The following ITGA2 variants were observed in gnomAD, a reference collection of about 807,000 sequenced individuals.
The protein encoded by ITGA2 is integrin subunit alpha 2.
In ITGA2, 101 loss-of-function variants were observed where a neutral mutation model predicts 146.3. That is an observed-to-expected ratio of 0.69 (90% CI 0.59 to 0.81). The LOEUF (loss-of-function observed/expected upper bound fraction) is 0.81, where lower values mean the gene tolerates loss of function less well. Ranked by LOEUF, ITGA2 falls within the 40% of genes least tolerant of loss-of-function variation. ITGA2 has a pLI of 0.00. For synonymous variants in ITGA2, 477 were observed against 487.1 expected, an observed-to-expected ratio of 0.98 and a Z score of 0.27; for missense variants, 1,281 against 1,402.7, an observed-to-expected ratio of 0.91 and a Z score of 1.39.
intron 16 of ITGA2, among the ~76,000 whole-genome samples, chr5:53,069,298 A>AT (rs950301574): frequency 3.5e-4 from 53 of 151,876 alleles, no homozygotes; most frequent in African/African-American, 1.2e-3. Flanking sequence ...TTATCACATA[A>AT]TTTTTTTTCA....
chr5:53,066,932 A>AT (rs1745172232), intron 15 of ITGA2, among the ~76,000 whole-genome samples, 186 bp from the exon 16 acceptor site: 1 of 151,886 alleles, frequency 6.6e-6, no homozygotes, highest in Non-Finnish European at 1.5e-5. Flanking sequence ...GCAGTCACAA[A>AT]TTAAAAAAAA....
chr5:53,060,099 A>C (rs1317036189), intron 11 of ITGA2, 87 bp downstream of exon 11: 2 of 1,342,708 alleles, frequency 1.5e-6, no homozygotes, highest in Non-Finnish European at 1.1e-6. Context: ...GAGTTCAGCA[A>C]AATCCTTGAA....
intron 2 of ITGA2, among the ~76,000 whole-genome samples, chr5:53,041,243 A>G (rs1743785096): frequency 6.6e-6 from 1 of 152,110 alleles, no homozygotes; most frequent in African/African-American, 2.4e-5. Context: ...TGTGGTTCTA[A>G]GTGTCAGGTG....
chr5:53,070,805 G>T (rs1745357439), intron 17 of ITGA2, among the ~76,000 whole-genome samples: 1 of 151,876 alleles, frequency 6.6e-6, no homozygotes, highest in Admixed American at 6.6e-5. Context: ...CTTCCAGCCG[G>T]AAATTTATTT....
intron 24 of ITGA2, among the ~76,000 whole-genome samples, chr5:53,079,777 T>C (rs1026164497): frequency 6.6e-6 from 1 of 152,174 alleles, no homozygotes; most frequent in Non-Finnish European, 1.5e-5. Context: ...TCATAGAGTG[T>C]GTAATAAGTA....
chr5:53,001,714 C>A (rs943716074), intron 1 of ITGA2, among the ~76,000 whole-genome samples: 2 of 151,556 alleles, frequency 1.3e-5, no homozygotes, highest in Admixed American at 6.6e-5. Context: ...GTGCTGCATG[C>A]CTGTAGTCCC....
At chr5:52,999,643 C>T (rs1290504831) in intron 1 of ITGA2, among the ~76,000 whole-genome samples, 2 of 152,014 alleles carry the variant, frequency 1.3e-5, no homozygotes, top group Non-Finnish European at 2.9e-5. Flanking sequence ...GAACACTGAG[C>T]ATGGTGAATC....
Position 53,058,196 on chromosome 5 carries a change from A to G in ITGA2, c.1173+95A>G, listed in dbSNP as rs139889194. ...ACATAAAATGGGAAGACAGCCATCT[A>G]GGGATCAGCCCTTCTGATTCCTAGT... On this transcript the variant is annotated intron_variant, in intron 10 of 29. Coordinates refer to ENST00000296585, the MANE Select transcript of ITGA2 (RefSeq NM_002203.4). 5.5e-4 allele frequency: 491 copies of G among 897,688 alleles called. 2 individuals carry two copies. In the African/African-American group the frequency reaches 5.9e-3, roughly 11 times the overall value. The allele number at this position is 897,688 out of a possible 1,614,324, so 55.6% of individuals were successfully genotyped here.
intron 1 of ITGA2, among the ~76,000 whole-genome samples, chr5:53,010,218 A>T (rs1255526307): frequency 6.6e-6 from 1 of 152,156 alleles, no homozygotes; most frequent in African/African-American, 2.4e-5. Context: ...ATTTTTAAAA[A>T]AATGTTATCT....
chr5:53,090,686 AT>A lies in ITGA2; in HGVS notation c.*95del, dbSNP rs202180218. ...GAATGGATTTCTTTTTAAATCCCATATTTTTTTTATCATGTCGTAGGTAAAC... is the reference window on the plus strand; with the variant it reads ...GAATGGATTTCTTTTTAAATCCCATATTTTTTTATCATGTCGTAGGTAAAC... On this transcript the variant is annotated 3_prime_UTR_variant, in exon 30 of 30. Coordinates refer to ENST00000296585, the MANE Select transcript of ITGA2 (RefSeq NM_002203.4). 180 of 910,736 alleles carry A rather than the reference AT, an allele frequency of 2.0e-4. No individual in the cohort carries two copies. The highest frequency in any genetic ancestry group is 2.6e-4 in the Non-Finnish European group (154 of 602,360). The allele number at this position is 910,736 out of a possible 1,614,324, so 56.4% of individuals were successfully genotyped here.
chr5:53,053,467 T>C (rs1744484679), intron 7 of ITGA2, among the ~76,000 whole-genome samples: 1 of 152,162 alleles, frequency 6.6e-6, no homozygotes, highest in Non-Finnish European at 1.5e-5. Context: ...AAAATGGCTT[T>C]CCTGGAGTTA....
intron 4 of ITGA2, among the ~76,000 whole-genome samples, chr5:53,047,668 T>G (rs1340903665): frequency 2.0e-5 from 3 of 152,190 alleles, no homozygotes; most frequent in Non-Finnish European, 4.4e-5. Context: ...ACCTATTTCA[T>G]ACCCGTGGGC....
intron 1 of ITGA2, among the ~76,000 whole-genome samples, chr5:53,024,643 A>C (rs1326902809): frequency 6.6e-6 from 1 of 152,216 alleles, no homozygotes; most frequent in Non-Finnish European, 1.5e-5. Flanking sequence ...GGGAGAGCAG[A>C]GACCTATTTG....
chr5:53,072,613 A>C lies in ITGA2; in HGVS notation c.2347A>C (p.Ile783Leu), dbSNP rs186785119. 1 of 1,609,328 alleles carries C rather than the reference A, an allele frequency of 6.2e-7. No individual in the cohort carries two copies. The highest frequency in any genetic ancestry group is 1.7e-5 in the Admixed American group (1 of 59,598). The change falls in exon 19 of 30, where the codon ATT becomes CTT. Residue 783 changes from isoleucine to leucine, a missense_variant and splice_region_variant. Around this residue, in one of 3 missense-constraint regions of ITGA2, gnomAD observed 475 missense variants for 530.5 expected, o/e 0.90. Transcript: ENST00000296585. ...AYSETAKVFS[I>L]PFHKDCGEDG... ...ATGGATCTTTTTTCCTTTTTCGTAG[A>C]TTCCTTTCCACAAAGACTGTGGTGA...
At chr5:53,020,927 T>G (rs1022182808) in intron 1 of ITGA2, among the ~76,000 whole-genome samples, 5 of 151,004 alleles carry the variant, frequency 3.3e-5, no homozygotes, top group Admixed American at 6.6e-5. Context: ...ACTTCTGACC[T>G]CAGGTGATCC....
intron 1 of ITGA2, among the ~76,000 whole-genome samples, chr5:52,995,430 T>G (rs1218000744): frequency 1.3e-5 from 2 of 152,226 alleles, no homozygotes; most frequent in East Asian, 1.9e-4. Context: ...GGAAAGAGAC[T>G]GGAGGATTTA....
intron 11 of ITGA2, 106 bp downstream of exon 11, chr5:53,060,118 T>G (rs1561132506): frequency 1.7e-6 from 2 of 1,154,958 alleles, no homozygotes; most frequent in East Asian, 4.8e-5. Context: ...AACTGTCATC[T>G]AATTATCATA....
chr5:53,045,529 C>T (rs3212462), intron 4 of ITGA2, among the ~76,000 whole-genome samples: 5,092 of 152,224 alleles, frequency 0.033, 134 homozygotes, highest in East Asian at 0.074. Flanking sequence ...TGTCAGTGCT[C>T]ACTTTCATTT....
intron 23 of ITGA2, among the ~76,000 whole-genome samples, chr5:53,077,966 C>A (rs751827947): frequency 1.3e-5 from 2 of 151,992 alleles, no homozygotes; most frequent in Non-Finnish European, 2.9e-5. Context: ...TAATCCCCCA[C>A]GCAAAGAAGC....
Sources: allele counts gnomAD v4.1 joint callset (sites outside exome capture counted in the v4.1 genomes callset), GRCh38; gene constraint gnomAD v4.1.1; regional missense constraint gnomAD v4.1.1; transcripts MANE v1.5; gene names NCBI Gene and HGNC (gene_info 2026-07-23, HGNC 2026-07-21).